SLC5A8: variants seen among roughly 807,000 people sequenced by gnomAD.
The protein encoded by SLC5A8 is sodium-coupled monocarboxylate transporter 1.
In SLC5A8, 55 loss-of-function variants were observed where a neutral mutation model predicts 71.9. The observed-to-expected ratio is 0.77, with a 90% CI of 0.62 to 0.96. SLC5A8 has a LOEUF of 0.96. Among genes scored for constraint, SLC5A8 ranks in the 40% least tolerant of loss-of-function variants. The pLI is 0.00. For missense variants in SLC5A8, 701 were observed against 745.3 expected (o/e 0.94, Z 0.69); for synonymous variants, 307 against 276.1 (o/e 1.11, Z -1.11).
Position 101,190,579 on chromosome 12 carries a change from G to A in SLC5A8, c.722C>T (p.Thr241Ile). The change falls in exon 6 of 15, where the codon ACC becomes ATC. Residue 241 changes from threonine to isoleucine, a missense_variant. Thr to Ile is a moderately conservative substitution (Grantham distance 89). Coordinates refer to ENST00000536262, the MANE Select transcript of SLC5A8 (RefSeq NM_145913.5). ...NFNPNPLQRH[T>I]FWTIIIGGTF... Reference sequence around the variant, plus strand: ...CCCTCCTATAATAATTGTCCAGAAGGTGTGTCTTTGCAAAGGGTTAGGATT... The same window carrying A: ...CCCTCCTATAATAATTGTCCAGAAGATGTGTCTTTGCAAAGGGTTAGGATT... 2.5e-6 allele frequency: 4 copies of A among 1,612,788 alleles called. No homozygotes were observed. Among genetic ancestry groups the A allele is most frequent in the South Asian group, 1.1e-5 (1 of 90,820 alleles).
At chr12:101,193,584 T>C (rs1349546589) in intron 5 of SLC5A8, 41 bp downstream of exon 5, 2 of 1,560,014 alleles carry the variant, frequency 1.3e-6, no homozygotes, top group Non-Finnish European at 1.7e-6. Context: ...TTTTATAGAA[T>C]ACAAAAGATG....
chr12:101,208,724 T>A (rs1166465625), intron 1 of SLC5A8, among the ~76,000 whole-genome samples: 1 of 152,134 alleles, frequency 6.6e-6, no homozygotes, highest in African/African-American at 2.4e-5. Flanking sequence ...TTCCTACTGA[T>A]CCCAAGATAA....
At chr12:101,164,990 A>T (rs1322584530) in intron 12 of SLC5A8, among the ~76,000 whole-genome samples, 3 of 152,100 alleles carry the variant, frequency 2.0e-5, no homozygotes, top group Non-Finnish European at 2.9e-5. Context: ...AGTATTTTTT[A>T]TTTACTATGT....
Position 101,198,665 on chromosome 12 carries a change from G to C in SLC5A8, c.469+3499C>G, listed in dbSNP as rs185171393. 1.0e-3 allele frequency among the ~76,000 whole-genome samples: 158 copies of C among 151,958 alleles called. 2 individuals are homozygous for C. Among genetic ancestry groups the C allele is most frequent in the Non-Finnish European group, 4.4e-5 (3 of 67,790 alleles). Reference sequence around the variant, plus strand: ...ACCAAAATCTTTCTACAAAAACAAAGAGTAGGCCCAGATGCCTTCAGGGTG... The same window carrying C: ...ACCAAAATCTTTCTACAAAAACAAACAGTAGGCCCAGATGCCTTCAGGGTG... On this transcript the variant is annotated intron_variant, in intron 3 of 14. Coordinates refer to ENST00000536262, the MANE Select transcript of SLC5A8 (RefSeq NM_145913.5).
At chr12:101,208,120 A>G (rs1219075319) in intron 1 of SLC5A8, among the ~76,000 whole-genome samples, 3 of 152,002 alleles carry the variant, frequency 2.0e-5, no homozygotes, top group African/African-American at 7.3e-5. Flanking sequence ...AATGACTGAG[A>G]AGTGAATTTG....
chr12:101,178,480 A>G (rs919234153), intron 10 of SLC5A8, among the ~76,000 whole-genome samples: 1 of 152,224 alleles, frequency 6.6e-6, no homozygotes, highest in Non-Finnish European at 1.5e-5. Flanking sequence ...ACATAAATAA[A>G]TGAAAGAAAA....
At chr12:101,206,017 A>G (rs1231882484) in intron 1 of SLC5A8, among the ~76,000 whole-genome samples, 2 of 152,190 alleles carry the variant, frequency 1.3e-5, no homozygotes, top group Non-Finnish European at 2.9e-5. Flanking sequence ...AGCTTGTGGC[A>G]ATCATTCTCC....
intron 13 of SLC5A8, among the ~76,000 whole-genome samples, chr12:101,159,906 T>C (rs1341951071): frequency 6.6e-6 from 1 of 152,132 alleles, no homozygotes; most frequent in African/African-American, 2.4e-5. Flanking sequence ...AGACTGGGCA[T>C]GGTGGTGGCT....
At chr12:101,192,074 C>A (rs545850731) in intron 5 of SLC5A8, among the ~76,000 whole-genome samples, 1 of 152,154 alleles carries the variant, frequency 6.6e-6, no homozygotes, top group East Asian at 1.9e-4. Flanking sequence ...GACTTCCCCC[C>A]TCCCTGTTCT....
intron 10 of SLC5A8, among the ~76,000 whole-genome samples, chr12:101,174,737 T>C (rs933123701): frequency 3.3e-5 from 5 of 152,126 alleles, no homozygotes; most frequent in African/African-American, 9.7e-5. Flanking sequence ...CATAGTATTC[T>C]ACACACCCCT....
chr12:101,184,469 C>T (rs994034247), intron 7 of SLC5A8, among the ~76,000 whole-genome samples: 2 of 152,182 alleles, frequency 1.3e-5, no homozygotes, highest in African/African-American at 4.8e-5. Context: ...TTCTGAGCCT[C>T]AGTTTCCTCA....
chr12:101,192,814 G>A (rs147457015), intron 5 of SLC5A8, among the ~76,000 whole-genome samples: 1,576 of 151,592 alleles, frequency 0.01, 17 homozygotes, highest in Non-Finnish European at 0.014. Context: ...AGATTGCCAG[G>A]GCAATATCAA....
intron 5 of SLC5A8, among the ~76,000 whole-genome samples, chr12:101,193,001 T>A (rs148697648): frequency 0.024 from 3,473 of 142,396 alleles, 155 homozygotes; most frequent in African/African-American, 0.087. Flanking sequence ...AGACAGAGTC[T>A]CACTCTGTTG....
chr12:101,206,996 G>T (rs746102664), intron 1 of SLC5A8, among the ~76,000 whole-genome samples: 6 of 152,138 alleles, frequency 3.9e-5, no homozygotes, highest in African/African-American at 1.4e-4. Context: ...GAATGCCAGG[G>T]TATCAATCAC....
At chr12:101,184,106 CAT>C in intron 8 of SLC5A8, 26 bp downstream of exon 8, 1 of 1,587,672 alleles carries the variant, frequency 6.3e-7, no homozygotes, top group Non-Finnish European at 8.6e-7. Flanking sequence ...ACAGGGAAAT[CAT>C]ATGTTATTAG....
chr12:101,209,531 C>T lies in SLC5A8; in HGVS notation c.318G>A (p.Val106=). The change falls in exon 1 of 15, where the codon GTG becomes GTA. Residue 106 remains valine, a synonymous_variant. Coordinates refer to ENST00000536262, the MANE Select transcript of SLC5A8 (RefSeq NM_145913.5). Reference sequence around the variant, plus strand: ...TGCTGGTAATTCCCAGTTTGTAGAACACCGGGAGGAAGACCTCCGCGCTGA... The same window carrying T: ...TGCTGGTAATTCCCAGTTTGTAGAATACCGGGAGGAAGACCTCCGCGCTGA... ...VVISAEVFLP[V]FYKLGITSTY... is the part of the protein sequence containing the mutation. The T allele has an allele frequency of 2.0e-6, 3 of 1,504,114 alleles. No individual in the cohort carries two copies. Among genetic ancestry groups the T allele is most frequent in the Middle Eastern group, 1.8e-4 (1 of 5,500 alleles). The allele number at this position is 1,504,114 out of a possible 1,614,324, so 93.2% of individuals were successfully genotyped here. A position where few individuals can be genotyped will look rare whatever the true frequency, so the allele number is the denominator to read the frequency against.
Position 101,180,055 on chromosome 12 carries a change from C to A in SLC5A8, c.1207G>T (p.Ala403Ser), listed in dbSNP as rs1488051753. 5.6e-6 allele frequency: 9 copies of A among 1,613,896 alleles called. No individual in the cohort carries two copies. The Admixed American group carries it at 6.7e-5, about 12-fold the overall frequency. Residue 403 changes from alanine to serine, a missense_variant, in exon 10 of 15, where the codon GCG becomes TCG. Ala to Ser is a moderately conservative substitution (Grantham distance 99). Transcript: ENST00000536262. ...TGCAACAAAGCTCCCATAAGTGACG[C>A]CAGCGCAGCCATTCCAATACACAGG... The part of the protein sequence containing the change: ...GALCIGMAAL[A>S]SLMGALLQAA...
At chr12:101,208,657 C>T (rs576329196) in intron 1 of SLC5A8, among the ~76,000 whole-genome samples, 4 of 152,284 alleles carry the variant, frequency 2.6e-5, no homozygotes, top group Admixed American at 2.6e-4. Context: ...AGACAGTTTT[C>T]CTTAATTGTC....
chr12:101,175,255 C>T lies in SLC5A8; in HGVS notation c.1233+4774G>A, dbSNP rs1246964314. 2.6e-5 allele frequency among the ~76,000 whole-genome samples: 4 copies of T among 151,540 alleles called. No homozygotes were observed. In the East Asian group the frequency reaches 5.8e-4, roughly 22 times the overall value. On this transcript the variant is annotated intron_variant, in intron 10 of 14. Coordinates refer to ENST00000536262, the MANE Select transcript of SLC5A8 (RefSeq NM_145913.5). ...TGAATGACAGAACAACAGAAATAAC[C>T]CAAACTGAACAATAGAGAGAAATGA...
Sources: allele counts gnomAD v4.1 joint callset (sites outside exome capture counted in the v4.1 genomes callset), GRCh38; gene constraint gnomAD v4.1.1; transcripts MANE v1.5; gene names NCBI Gene and HGNC (gene_info 2026-07-23, HGNC 2026-07-21).